TTLL5: variants seen among roughly 807,000 people sequenced by gnomAD.
The protein encoded by TTLL5 is tubulin polyglutamylase TTLL5.
Under a neutral mutation model 168.4 loss-of-function variants are expected in TTLL5, and 132 were observed. The observed-to-expected ratio is 0.78, with a 90% CI of 0.68 to 0.91. The LOEUF (loss-of-function observed/expected upper bound fraction) is 0.91. Ranked by LOEUF, TTLL5 falls within the 40% of genes least tolerant of loss-of-function variation. The pLI, the probability that TTLL5 is intolerant of heterozygous loss-of-function variation, is 0.00. For synonymous variants in TTLL5, 546 were observed against 558.6 expected (o/e 0.98, Z 0.32); for missense variants, 1,545 against 1,581.5 (o/e 0.98, Z 0.39).
At chr14:75,758,820 A>T (rs1396375736) in intron 18 of TTLL5, among the ~76,000 whole-genome samples, 2 of 152,222 alleles carry the variant, frequency 1.3e-5, no homozygotes, top group African/African-American at 4.8e-5. Flanking sequence ...GAGGAAAATT[A>T]GAAAATACTT....
At chr14:75,881,194 A>G (rs1469929232) in intron 29 of TTLL5, among the ~76,000 whole-genome samples, 2 of 152,182 alleles carry the variant, frequency 1.3e-5, no homozygotes, top group African/African-American at 4.8e-5. Context: ...GATTACAGGC[A>G]TTAGCCACCG....
At chr14:75,930,144 T>G (rs866448847) in intron 31 of TTLL5, among the ~76,000 whole-genome samples, 19 of 152,290 alleles carry the variant, frequency 1.2e-4, no homozygotes, top group Non-Finnish European at 1.6e-4. Flanking sequence ...TATGGTCTAT[T>G]AATTATTCTT....
intron 20 of TTLL5, among the ~76,000 whole-genome samples, chr14:75,766,712 T>A (rs1360125180): frequency 6.6e-6 from 1 of 151,876 alleles, no homozygotes; most frequent in African/African-American, 2.4e-5. Context: ...AACAAAGTGG[T>A]CTTAGGACAC....
intron 6 of TTLL5, among the ~76,000 whole-genome samples, chr14:75,696,413 T>C (rs1283319058): frequency 6.6e-6 from 1 of 152,206 alleles, no homozygotes; most frequent in Non-Finnish European, 1.5e-5. Context: ...GAAAGTTTTG[T>C]TATTTTTTGT....
chr14:75,954,596 G>T lies in TTLL5; in HGVS notation c.*150G>T, dbSNP rs367712308. 1.3e-6 allele frequency: 1 copy of T among 775,946 alleles called. No homozygotes were observed. Among genetic ancestry groups the T allele is most frequent in the Non-Finnish European group, 2.1e-6 (1 of 472,870 alleles). The allele number at this position is 775,946 out of a possible 1,614,324, so 48.1% of individuals were successfully genotyped here. ...CCTTCGAGCAGAAGTGGCAGTAGAT[G>T]GTTGCCAATCAGCCAATGCAGACTT... On this transcript the variant is annotated 3_prime_UTR_variant, in exon 32 of 32. Transcript: ENST00000298832.
chr14:75,712,495 G>A (rs1294923237), intron 9 of TTLL5: 1 of 117,168 alleles, frequency 8.5e-6, no homozygotes, highest in African/African-American at 3.9e-5. Flanking sequence ...TAAGAAAACA[G>A]CAGGACAAAA....
intron 31 of TTLL5, among the ~76,000 whole-genome samples, chr14:75,937,121 C>CT (rs2034455710): frequency 1.3e-4 from 10 of 75,948 alleles, no homozygotes; most frequent in South Asian, 4.6e-4. Context: ...AGTACATTTA[C>CT]ATTTTTTTTT....
intron 31 of TTLL5, among the ~76,000 whole-genome samples, chr14:75,918,337 A>G (rs1471496240): frequency 2.0e-5 from 3 of 152,184 alleles, no homozygotes; most frequent in Non-Finnish European, 4.4e-5. Context: ...GGCTAATGAT[A>G]TACATCTACT....
intron 30 of TTLL5, among the ~76,000 whole-genome samples, chr14:75,889,887 G>A (rs1410697344): frequency 1.4e-5 from 2 of 145,430 alleles, no homozygotes; most frequent in Admixed American, 1.4e-4. Context: ...GAGGGAGGGA[G>A]GAGGTCAGGC....
At chr14:75,686,053 G>GTC (rs1885022530) in intron 5 of TTLL5, among the ~76,000 whole-genome samples, 1 of 152,178 alleles carries the variant, frequency 6.6e-6, no homozygotes, top group African/African-American at 2.4e-5. Context: ...CCGTAGATAA[G>GTC]AAAGAAATGT....
chr14:75,772,011 C>G (rs1223986849), intron 21 of TTLL5, among the ~76,000 whole-genome samples, 157 bp downstream of exon 21: 1 of 150,846 alleles, frequency 6.6e-6, no homozygotes. Flanking sequence ...TCTATACTTA[C>G]AAGATTTATA....
At chr14:75,743,571 C>G (rs1163363507) in intron 15 of TTLL5, among the ~76,000 whole-genome samples, 3 of 124,568 alleles carry the variant, frequency 2.4e-5, no homozygotes, top group African/African-American at 6.0e-5. Flanking sequence ...TCTCTGGCAT[C>G]GCTCTTTTTT....
chr14:75,826,310 C>G (rs1057449308), intron 28 of TTLL5, among the ~76,000 whole-genome samples: 3 of 151,588 alleles, frequency 2.0e-5, no homozygotes, highest in Non-Finnish European at 4.4e-5. Flanking sequence ...CACACACACA[C>G]ACACACACAC....
chr14:75,883,574 CATTT>C (rs1316288427), intron 30 of TTLL5, among the ~76,000 whole-genome samples: 3 of 152,206 alleles, frequency 2.0e-5, no homozygotes, highest in Non-Finnish European at 4.4e-5. Context: ...GCTTCTCATT[CATTT>C]GTCCTTCGGA....
intron 31 of TTLL5, among the ~76,000 whole-genome samples, chr14:75,916,817 A>G (rs751016128): frequency 2.4e-4 from 36 of 152,218 alleles, no homozygotes; most frequent in Non-Finnish European, 4.1e-4. Context: ...AGTCAACAAA[A>G]TGTGGTCTAT....
intron 27 of TTLL5, among the ~76,000 whole-genome samples, chr14:75,803,759 A>G (rs1374490999): frequency 1.3e-5 from 2 of 152,300 alleles, no homozygotes; most frequent in South Asian, 2.1e-4. Context: ...GTGAAGTCTC[A>G]CTATCTCTGC....
intron 3 of TTLL5, among the ~76,000 whole-genome samples, chr14:75,672,853 C>A (rs1188866268): frequency 6.6e-6 from 1 of 152,144 alleles, no homozygotes; most frequent in African/African-American, 2.4e-5. Context: ...ATAATGTCCC[C>A]ACTTTCACTT....
At chr14:75,816,108 A>G (rs116524953) in intron 27 of TTLL5, among the ~76,000 whole-genome samples, 1 of 152,338 alleles carries the variant, frequency 6.6e-6, no homozygotes, top group African/African-American at 2.4e-5. Context: ...AATGGGTAAC[A>G]GTAGAACCTG....
intron 31 of TTLL5, among the ~76,000 whole-genome samples, chr14:75,946,354 T>C (rs1019540973): frequency 6.6e-5 from 10 of 151,990 alleles, no homozygotes; most frequent in Admixed American, 6.5e-4. Flanking sequence ...AATTGTTAAA[T>C]GAATAAAGTA....
Sources: allele counts gnomAD v4.1 joint callset (sites outside exome capture counted in the v4.1 genomes callset), GRCh38; gene constraint gnomAD v4.1.1; transcripts MANE v1.5; gene names NCBI Gene and HGNC (gene_info 2026-07-23, HGNC 2026-07-21).